MRPS27: variants seen among roughly 807,000 people sequenced by gnomAD.
The protein encoded by MRPS27 is small ribosomal subunit protein mS27.
A neutral mutation model predicts 48.9 loss-of-function variants in MRPS27; 43 were observed. The observed-to-expected ratio is 0.88, with a 90% CI of 0.69 to 1.13. MRPS27 has a LOEUF of 1.13. Ranked by LOEUF, MRPS27 falls within the 50% of genes most tolerant of loss-of-function variation. The pLI, the probability that MRPS27 is intolerant of heterozygous loss-of-function variation, is 0.00. For missense variants in MRPS27, 467 were observed against 476.3 expected (o/e 0.98, Z 0.18); for synonymous variants, 188 against 171.9 (o/e 1.09, Z -0.73).
chr5:72,228,005 C>G (rs530946734), intron 8 of MRPS27: 11 of 482,188 alleles, frequency 2.3e-5, no homozygotes, highest in Admixed American at 1.6e-4. Context: ...ATCCCTTCTT[C>G]AGACTGATTA....
intron 2 of MRPS27, among the ~76,000 whole-genome samples, chr5:72,302,631 C>G (rs1256231543): frequency 6.6e-6 from 1 of 152,202 alleles, no homozygotes; most frequent in Non-Finnish European, 1.5e-5. Context: ...GTAGATGTAA[C>G]TGTCAGAGGC....
rs2112061141 is a variant in MRPS27 at position 72,295,447 on chromosome 5, ATTATACACAAC to A, written c.281+73_281+83del. The A allele has an allele frequency of 1.2e-5, 12 of 1,020,990 alleles. No homozygotes were observed. The South Asian group carries it at 1.7e-4, about 15-fold the overall frequency. 63.2% of individuals were successfully genotyped at this position (1,020,990 alleles called of 1,614,324 possible). ...AAATATAAACTTAGAAGGTGTCAAA[ATTATACACAAC>A]ATATACCAACTTTTATGTAAAAAAG... On this transcript the variant is annotated intron_variant, in intron 4 of 10. Coordinates refer to ENST00000261413, the MANE Select transcript of MRPS27 (RefSeq NM_015084.3).
chr5:72,277,240 T>G (rs560923686), intron 4 of MRPS27, among the ~76,000 whole-genome samples: 1 of 152,128 alleles, frequency 6.6e-6, no homozygotes, highest in Non-Finnish European at 1.5e-5. Flanking sequence ...TGAGGAGAGA[T>G]AGGAACGTTT....
At chr5:72,256,595 T>A (rs1182066230) in intron 4 of MRPS27, among the ~76,000 whole-genome samples, 1 of 152,206 alleles carries the variant, frequency 6.6e-6, no homozygotes, top group African/African-American at 2.4e-5. Context: ...CACCCAGCTA[T>A]CCAAAGTCAC....
At chr5:72,223,047 T>G (rs988366579) in intron 10 of MRPS27, among the ~76,000 whole-genome samples, 2 of 152,142 alleles carry the variant, frequency 1.3e-5, no homozygotes, top group African/African-American at 4.8e-5. Flanking sequence ...TCAAAGCAGC[T>G]AAGAAGCCAA....
At chr5:72,238,946 T>C (rs1264901511) in intron 4 of MRPS27, among the ~76,000 whole-genome samples, 1 of 151,918 alleles carries the variant, frequency 6.6e-6, no homozygotes, top group East Asian at 1.9e-4. Context: ...TGACTGGAGA[T>C]TGAGCTGCGA....
chr5:72,265,196 T>G (rs1251540728), intron 4 of MRPS27, among the ~76,000 whole-genome samples: 1 of 152,244 alleles, frequency 6.6e-6, no homozygotes, highest in Non-Finnish European at 1.5e-5. Context: ...AAGCTCGCCA[T>G]TTGATAATGA....
At chr5:72,301,342 T>C (rs1256297523) in intron 2 of MRPS27, among the ~76,000 whole-genome samples, 3 of 152,244 alleles carry the variant, frequency 2.0e-5, no homozygotes, top group Non-Finnish European at 4.4e-5. Context: ...GGCAACTTAA[T>C]AGCATTAAAT....
At chr5:72,228,812 A>T (rs1245165104) in intron 7 of MRPS27, 1 of 153,590 alleles carries the variant, frequency 6.5e-6, no homozygotes, top group Non-Finnish European at 1.4e-5. Flanking sequence ...TTTGAATTTT[A>T]AAGAATTTAG....
intron 4 of MRPS27, among the ~76,000 whole-genome samples, chr5:72,255,511 C>G (rs1027547199): frequency 3.3e-5 from 5 of 152,162 alleles, no homozygotes; most frequent in Non-Finnish European, 7.4e-5. Flanking sequence ...AATGCCCATG[C>G]CTCACACAAT....
intron 2 of MRPS27, 46 bp downstream of exon 2, chr5:72,314,035 C>A: frequency 7.2e-7 from 1 of 1,388,432 alleles, no homozygotes; most frequent in Admixed American, 1.7e-5. Context: ...GGAAGACATA[C>A]AGAGTGACCG....
intron 4 of MRPS27, among the ~76,000 whole-genome samples, chr5:72,277,702 A>G (rs1264555261): frequency 6.6e-6 from 1 of 152,216 alleles, no homozygotes. Flanking sequence ...ATGCCCATCA[A>G]TGATATATTG....
At chr5:72,268,698 A>G (rs906209237) in intron 4 of MRPS27, among the ~76,000 whole-genome samples, 4 of 152,182 alleles carry the variant, frequency 2.6e-5, no homozygotes, top group Admixed American at 2.6e-4. Context: ...ACTTTCTTCT[A>G]CAAAAGAGGA....
chr5:72,228,113 G>GT (rs1256408096), intron 8 of MRPS27, 153 bp downstream of exon 8: 10 of 674,788 alleles, frequency 1.5e-5, no homozygotes, highest in Non-Finnish European at 2.5e-5. Flanking sequence ...TGGAGTAACT[G>GT]TAAGGCCATC....
Position 72,220,881 on chromosome 5 carries a change from G to A in MRPS27, c.*28C>T, listed in dbSNP as rs182626416. ...GCACGGGGTTGAGTGAAGTTCTTGTGAGACAGGTGGGGCCCTGGGGGACCC... is the reference window on the plus strand; with the variant it reads ...GCACGGGGTTGAGTGAAGTTCTTGTAAGACAGGTGGGGCCCTGGGGGACCC... On this transcript the variant is annotated 3_prime_UTR_variant, in exon 11 of 11. Coordinates refer to ENST00000261413, the MANE Select transcript of MRPS27 (RefSeq NM_015084.3). The A allele has an allele frequency of 1.2e-6, 2 of 1,612,704 alleles. No individual in the cohort carries two copies. The highest frequency in any genetic ancestry group is 1.3e-5 in the African/African-American group (1 of 74,998).
chr5:72,228,337 A>C lies in MRPS27; in HGVS notation c.623T>G (p.Leu208Arg). 6.2e-7 allele frequency: 1 copy of C among 1,613,386 alleles called. No individual in the cohort carries two copies. The highest frequency in any genetic ancestry group is 8.5e-7 in the Non-Finnish European group (1 of 1,179,552). Reference protein sequence around the residue: ...WEEERNFGASLLLPGLKQKNS... With the variant: ...WEEERNFGASRLLPGLKQKNS... The stretch of plus-strand genomic sequence containing the variant: ...CTTTTGTTTTAGGCCTGGAAGCAAA[A>C]GGGATGCACCAAAGTTCCTCTCCTC... Residue 208 changes from leucine (L) to arginine (R), a missense_variant, in exon 8 of 11, where the codon CTT (leucine) becomes CGT (arginine). Physicochemically the swap from Leu to Arg is moderately radical, Grantham distance 102. Coordinates refer to ENST00000261413, the MANE Select transcript of MRPS27 (RefSeq NM_015084.3).
rs1343355121 is a variant in MRPS27, at chr5:72,308,213, G to A, written c.151+5868C>T. ...AGCTCTCTGGCACAATCAGCCACGA[G>A]GACGAAGAGAGGGGGCACCGGAACC... On this transcript the variant is annotated intron_variant, in intron 2 of 10. Coordinates refer to ENST00000261413, the MANE Select transcript of MRPS27 (RefSeq NM_015084.3). Among the ~76,000 whole-genome samples the A allele has an allele frequency of 2.6e-5, 4 of 152,224 alleles. No homozygotes were observed. In the East Asian group the frequency reaches 7.7e-4, roughly 29 times the overall value.
chr5:72,225,054 C>T (rs991781817), intron 9 of MRPS27, among the ~76,000 whole-genome samples: 2 of 152,172 alleles, frequency 1.3e-5, no homozygotes, highest in African/African-American at 4.8e-5. Flanking sequence ...GCAAAGAATG[C>T]AAATCTGGCT....
At chr5:72,301,537 C>A (rs575840671) in intron 2 of MRPS27, among the ~76,000 whole-genome samples, 1 of 152,290 alleles carries the variant, frequency 6.6e-6, no homozygotes, top group South Asian at 2.1e-4. Context: ...AAAAACCCAT[C>A]ATTTCTTTGT....
Sources: allele counts gnomAD v4.1 joint callset (sites outside exome capture counted in the v4.1 genomes callset), GRCh38; gene constraint gnomAD v4.1.1; transcripts MANE v1.5; gene names NCBI Gene and HGNC (gene_info 2026-07-23, HGNC 2026-07-21).